The following POLQ variants were observed in gnomAD, a reference collection of about 807,000 sequenced individuals.
POLQ encodes the protein DNA polymerase theta, also known as epididymis secretory sperm binding protein.
Under a neutral mutation model 259.2 loss-of-function variants are expected in POLQ, and 233 were observed. The observed-to-expected ratio is 0.90, with a 90% confidence interval of 0.81 to 1.00. The LOEUF is 1.00. Among genes scored for constraint, POLQ ranks in the 50% least tolerant of loss-of-function variants. The pLI is 0.00. For missense variants in POLQ, 2,871 were observed against 3,051.6 expected (o/e 0.94, Z 1.39); for synonymous variants, 1,025 against 1,048.8 (o/e 0.98, Z 0.44).
intron 24 of POLQ, among the ~76,000 whole-genome samples, chr3:121,465,773 T>C (rs1282246154): frequency 6.6e-6 from 1 of 152,222 alleles, no homozygotes; most frequent in Non-Finnish European, 1.5e-5. Context: ...CTCCACTGAC[T>C]GGCTGTTCCC....
chr3:121,438,997 A>T (rs1050067301), intron 27 of POLQ, among the ~76,000 whole-genome samples: 6 of 152,208 alleles, frequency 3.9e-5, no homozygotes, highest in African/African-American at 1.4e-4. Context: ...AATGAGCACT[A>T]AAACACAAAG....
At chr3:121,434,560 T>A (rs2047527618) in intron 28 of POLQ, among the ~76,000 whole-genome samples, 1 of 152,226 alleles carries the variant, frequency 6.6e-6, no homozygotes, top group South Asian at 2.1e-4. Flanking sequence ...TGTGTGTATA[T>A]ACACACATAG....
chr3:121,516,556 T>A (rs1191529415), intron 9 of POLQ, among the ~76,000 whole-genome samples: 1 of 152,190 alleles, frequency 6.6e-6, no homozygotes, highest in African/African-American at 2.4e-5. Flanking sequence ...GGAGGACTCA[T>A]CCACATCACA....
At chr3:121,475,318 T>C (rs1460025690) in intron 20 of POLQ, among the ~76,000 whole-genome samples, 1 of 152,212 alleles carries the variant, frequency 6.6e-6, no homozygotes, top group African/African-American at 2.4e-5. Context: ...ATATGGTACT[T>C]ATCTTTCTGT....
At chr3:121,451,371 T>A (rs1292897407) in intron 25 of POLQ, among the ~76,000 whole-genome samples, 1 of 152,226 alleles carries the variant, frequency 6.6e-6, no homozygotes, top group African/African-American at 2.4e-5. Flanking sequence ...ACTCTGATTT[T>A]TAGATTTTTC....
intron 19 of POLQ, among the ~76,000 whole-genome samples, chr3:121,477,249 C>T (rs895411808): frequency 2.0e-5 from 3 of 152,134 alleles, no homozygotes; most frequent in Non-Finnish European, 2.9e-5. Flanking sequence ...ATATCTTTTC[C>T]GCCAGACAAC....
chr3:121,489,773 T>C lies in POLQ; in HGVS notation c.3158A>G (p.Asp1053Gly). ...KRRKHLKRSR[D>G]SSPLKDSGAC... ...TCCAGAGTCTTTCAGGGGGCTGCTG[T>C]CCCTAGATCGCTTTAGATGCTTTCT... The change falls in exon 16 of 30, where the codon GAC becomes GGC. Residue 1053 changes from aspartate (D) to glycine (G), a missense_variant. Transcript: ENST00000264233. The C allele has an allele frequency of 6.2e-7, 1 of 1,612,440 alleles. No homozygotes were observed. Among genetic ancestry groups the C allele is most frequent in the East Asian group, 2.2e-5 (1 of 44,878 alleles).
At chr3:121,482,520 C>CAAA (rs34216699) in intron 18 of POLQ, among the ~76,000 whole-genome samples, 1 of 139,598 alleles carries the variant, frequency 7.2e-6, no homozygotes, top group Non-Finnish European at 1.5e-5. Context: ...AACTTCGTCT[C>CAAA]AAAAAAAAAA....
At chr3:121,470,455 C>T (rs1404205738) in intron 22 of POLQ, among the ~76,000 whole-genome samples, 2 of 152,102 alleles carry the variant, frequency 1.3e-5, no homozygotes, top group African/African-American at 2.4e-5. Flanking sequence ...CAGAGAAAAG[C>T]AGCACCTCAT....
intron 7 of POLQ, among the ~76,000 whole-genome samples, chr3:121,524,865 AAAT>A (rs2048361350): frequency 6.6e-6 from 1 of 152,116 alleles, no homozygotes; most frequent in African/African-American, 2.4e-5. Flanking sequence ...ATTTTCTTAT[AAAT>A]AATACCTCAG....
chr3:121,489,057 G>A lies in POLQ; in HGVS notation c.3874C>T (p.Gln1292Ter). 6.2e-7 allele frequency: 1 copy of A among 1,612,638 alleles called. No homozygotes were observed. Among genetic ancestry groups the A allele is most frequent in the Non-Finnish European group, 8.5e-7 (1 of 1,179,188 alleles). The change falls in exon 16 of 30, where the codon CAA becomes TAA. Residue 1292 changes from glutamine to a stop codon, truncating the protein, a stop_gained. Coordinates refer to ENST00000264233, the MANE Select transcript of POLQ (RefSeq NM_199420.4). LOFTEE classifies it high-confidence loss of function. Reference sequence around the variant, plus strand: ...GTTGTATAAGTACCTGTTTTTTCTTGTAGTCTAGAAATATTTAGAAAATTC... The same window carrying A: ...GTTGTATAAGTACCTGTTTTTTCTTATAGTCTAGAAATATTTAGAAAATTC... The part of the protein sequence containing the change: ...HENFLNISRL[Q>*]EKTGTYTTNK...
rs702018 is a variant in POLQ, at chr3:121,519,902, G to A, written c.1437C>T (p.Gly479=). Residue 479 remains glycine (G), a synonymous_variant, in exon 9 of 30, where the codon GGC becomes GGT. Transcript: ENST00000264233. ...LDILTYKQMV[G]RAGRKGVDTV... The stretch of plus-strand genomic sequence containing the variant: ...TGTCCACTCCTTTCCTGCCAGCACG[G>A]CCAACCATCTGCTTATAAGTAAGAA... The A allele has an allele frequency of 1, 1,606,288 of 1,606,754 alleles. 802,911 individuals are homozygous for A. Among genetic ancestry groups the A allele is most frequent in the East Asian group, 1 (44,806 of 44,806 alleles).
At chr3:121,506,461 G>C (rs1385394710) in intron 12 of POLQ, among the ~76,000 whole-genome samples, 1 of 152,022 alleles carries the variant, frequency 6.6e-6, no homozygotes, top group Non-Finnish European at 1.5e-5. Context: ...GGTACTTTTT[G>C]TTTCTATAGA....
rs767039538 is a variant in POLQ, at chr3:121,510,196, A to G, written c.1659T>C (p.Tyr553=). The change falls in exon 11 of 30, where the codon TAT becomes TAC. Residue 553 remains tyrosine (Y), a synonymous_variant. Coordinates refer to ENST00000264233, the MANE Select transcript of POLQ (RefSeq NM_199420.4). ...TTGCAGCCAAAAATGTGCAGGCAGCATAAGTATGCATATCTTGTGATGTAC... is the reference window on the plus strand; with the variant it reads ...TTGCAGCCAAAAATGTGCAGGCAGCGTAAGTATGCATATCTTGTGATGTAC... ...VASTSQDMHT[Y]AACTFLAASM... The G allele has an allele frequency of 4.0e-5, 64 of 1,613,590 alleles. No individual in the cohort carries two copies. Among genetic ancestry groups the G allele is most frequent in the Middle Eastern group, 1.6e-4 (1 of 6,084 alleles).
At chr3:121,487,034 T>A (rs1576413486) in intron 16 of POLQ, among the ~76,000 whole-genome samples, 1 of 152,162 alleles carries the variant, frequency 6.6e-6, no homozygotes, top group Non-Finnish European at 1.5e-5. Flanking sequence ...AATGTCACGT[T>A]CATATTCAAA....
At chr3:121,432,785 A>G in intron 29 of POLQ, 133 bp downstream of exon 29, 2 of 647,660 alleles carry the variant, frequency 3.1e-6, no homozygotes, top group Non-Finnish European at 5.6e-6. Context: ...ACCTGTAAGG[A>G]CTCAATATTT....
intron 19 of POLQ, among the ~76,000 whole-genome samples, chr3:121,480,809 G>C (rs779701575): frequency 3.9e-5 from 6 of 152,160 alleles, no homozygotes; most frequent in Non-Finnish European, 5.9e-5. Flanking sequence ...AGTTTCAGTA[G>C]TTTGCCCAAA....
At chr3:121,529,935 G>A (rs2048399217) in intron 6 of POLQ, 143 bp from the exon 7 acceptor site, 14 of 559,002 alleles carry the variant, frequency 2.5e-5, no homozygotes, top group Middle Eastern at 8.8e-4. Flanking sequence ...AATAACAAAA[G>A]AAAGGAAAAA....
chr3:121,455,221 A>G (rs1169157624), intron 25 of POLQ, among the ~76,000 whole-genome samples: 1 of 147,152 alleles, frequency 6.8e-6, no homozygotes, highest in South Asian at 2.3e-4. Context: ...TCTCTGGGAC[A>G]CATTCAAAGC....
Sources: allele counts gnomAD v4.1 joint callset (sites outside exome capture counted in the v4.1 genomes callset), GRCh38; gene constraint gnomAD v4.1.1; transcripts MANE v1.5; gene names NCBI Gene and HGNC (gene_info 2026-07-23, HGNC 2026-07-21).